FAM110B: variants seen among roughly 807,000 people sequenced by gnomAD.
The protein encoded by FAM110B is protein FAM110B.
In FAM110B, 6 loss-of-function variants were observed where a neutral mutation model predicts 20.4. The ratio of observed to expected loss-of-function variants is 0.29; its 90% confidence interval spans 0.16 to 0.58. The LOEUF (loss-of-function observed/expected upper bound fraction) is 0.58, where lower values mean the gene tolerates loss of function less well. Among genes scored for constraint, FAM110B ranks in the 20% least tolerant of loss-of-function variants. The pLI is 0.90. For missense variants in FAM110B, 434 were observed against 498.2 expected (o/e 0.87, Z 1.23); for synonymous variants, 226 against 214.1 (o/e 1.06, Z -0.49).
intron 1 of FAM110B, among the ~76,000 whole-genome samples, chr8:57,999,688 A>G (rs1179602959): frequency 2.0e-5 from 3 of 152,242 alleles, no homozygotes; most frequent in African/African-American, 7.2e-5. Context: ...AGGAAAGACA[A>G]GGTTCCTTCC....
chr8:58,117,644 T>C (rs1807248648), intron 3 of FAM110B, among the ~76,000 whole-genome samples: 2 of 152,198 alleles, frequency 1.3e-5, no homozygotes, highest in Admixed American at 6.5e-5. Context: ...TGAAGGGTAG[T>C]AATAGCCCCT....
chr8:58,094,008 C>T (rs1032988355), intron 3 of FAM110B, among the ~76,000 whole-genome samples: 31 of 152,038 alleles, frequency 2.0e-4, no homozygotes, highest in African/African-American at 2.9e-4. Flanking sequence ...CTCTTTATAG[C>T]GATTGTGAAT....
At chr8:58,028,371 G>T (rs1435418689) in intron 1 of FAM110B, among the ~76,000 whole-genome samples, 1 of 152,210 alleles carries the variant, frequency 6.6e-6, no homozygotes, top group Non-Finnish European at 1.5e-5. Context: ...CTCCCAAAGT[G>T]CTTGGATTAC....
chr8:58,008,284 C>T (rs553161160), intron 1 of FAM110B, among the ~76,000 whole-genome samples: 1 of 152,128 alleles, frequency 6.6e-6, no homozygotes, highest in South Asian at 2.1e-4. Context: ...AGGCGCCTCC[C>T]ACCACACCCG....
At chr8:58,102,440 G>A (rs1022448429) in intron 3 of FAM110B, among the ~76,000 whole-genome samples, 9 of 152,104 alleles carry the variant, frequency 5.9e-5, no homozygotes, top group South Asian at 2.1e-4. Context: ...CCTTATGTCC[G>A]ACTTTTGGTT....
At chr8:58,008,775 G>T (rs566640620) in intron 1 of FAM110B, among the ~76,000 whole-genome samples, 2 of 152,326 alleles carry the variant, frequency 1.3e-5, no homozygotes, top group Admixed American at 1.3e-4. Context: ...TGAGCTCCAT[G>T]AGTGGGAGAG....
chr8:58,092,121 C>G (rs1419814643), intron 3 of FAM110B, among the ~76,000 whole-genome samples: 1 of 152,086 alleles, frequency 6.6e-6, no homozygotes, highest in African/African-American at 2.4e-5. Flanking sequence ...TCATATTTTA[C>G]TTTCAGGCTT....
intron 3 of FAM110B, among the ~76,000 whole-genome samples, chr8:58,084,850 T>C (rs1806293944): frequency 6.6e-6 from 1 of 152,192 alleles, no homozygotes; most frequent in South Asian, 2.1e-4. Context: ...AGGGATTTTA[T>C]GGATCATTAC....
At chr8:58,057,457 C>T (rs1378495629) in intron 2 of FAM110B, among the ~76,000 whole-genome samples, 1 of 152,168 alleles carries the variant, frequency 6.6e-6, no homozygotes, top group Non-Finnish European at 1.5e-5. Flanking sequence ...AATTTATTTT[C>T]CTAAAGAATA....
chr8:58,094,393 A>G lies in FAM110B; in HGVS notation c.-325+18770A>G, dbSNP rs1806567470. Reference sequence around the variant, plus strand: ...TGATATTGATTGTGGGTTTGTCATAAATAGCTCTTATTATTTTGAGATACG... The same window carrying G: ...TGATATTGATTGTGGGTTTGTCATAGATAGCTCTTATTATTTTGAGATACG... On this transcript the variant is annotated intron_variant, in intron 3 of 3. Coordinates refer to ENST00000519262, the MANE Select transcript of FAM110B (RefSeq NM_001377989.1). 4.6e-5 allele frequency among the ~76,000 whole-genome samples: 7 copies of G among 152,252 alleles called. No individual in the cohort carries two copies. The South Asian group carries it at 1.5e-3, about 32-fold the overall frequency.
intron 2 of FAM110B, chr8:58,043,163 C>A (rs1385470313): frequency 6.6e-6 from 1 of 152,208 alleles, no homozygotes; most frequent in East Asian, 1.9e-4. Flanking sequence ...ATTAGGTAAA[C>A]TGGAGTCGTT....
intron 3 of FAM110B, among the ~76,000 whole-genome samples, chr8:58,141,773 G>C (rs1803749012): frequency 6.6e-6 from 1 of 152,216 alleles, no homozygotes; most frequent in Non-Finnish European, 1.5e-5. Flanking sequence ...TGGATTTGCT[G>C]TTGCGTCAAC....
At chr8:58,120,802 G>C (rs1259825568) in intron 3 of FAM110B, among the ~76,000 whole-genome samples, 1 of 152,186 alleles carries the variant, frequency 6.6e-6, no homozygotes, top group Non-Finnish European at 1.5e-5. Flanking sequence ...AACTAGGCTA[G>C]ATGGAAGACT....
intron 3 of FAM110B, among the ~76,000 whole-genome samples, chr8:58,118,018 A>G (rs74610494): frequency 0.057 from 8,632 of 152,290 alleles, 834 homozygotes; most frequent in African/African-American, 0.19. Flanking sequence ...TATCGGAAAG[A>G]TTCTAGAGTA....
intron 3 of FAM110B, among the ~76,000 whole-genome samples, chr8:58,137,503 T>C (rs1477219551): frequency 6.6e-6 from 1 of 151,926 alleles, no homozygotes; most frequent in Admixed American, 6.6e-5. Flanking sequence ...GAGGTTGCAG[T>C]GAGCTAAGAT....
intron 3 of FAM110B, among the ~76,000 whole-genome samples, chr8:58,135,475 T>C (rs1803588504): frequency 6.6e-6 from 1 of 152,206 alleles, no homozygotes; most frequent in Admixed American, 6.5e-5. Flanking sequence ...CCTTCAAATT[T>C]AAATGTTTCA....
At chr8:58,005,469 A>G (rs961862480) in intron 1 of FAM110B, among the ~76,000 whole-genome samples, 2 of 152,380 alleles carry the variant, frequency 1.3e-5, no homozygotes, top group Admixed American at 1.3e-4. Context: ...GCACATACTT[A>G]TGGCACTGAT....
At chr8:58,024,328 A>G (rs552069971) in intron 1 of FAM110B, among the ~76,000 whole-genome samples, 1 of 152,244 alleles carries the variant, frequency 6.6e-6, no homozygotes, top group African/African-American at 2.4e-5. Flanking sequence ...TGGTCTTACT[A>G]GTTTGAACCT....
At chr8:58,085,220 G>T (rs905820176) in intron 3 of FAM110B, among the ~76,000 whole-genome samples, 1 of 152,136 alleles carries the variant, frequency 6.6e-6, no homozygotes, top group Non-Finnish European at 1.5e-5. Context: ...TTGTAAAGCT[G>T]ATGCACATGT....
Sources: gnomAD v4.1 joint callset for allele counts (sites outside exome capture counted in the v4.1 genomes callset) on GRCh38, gnomAD v4.1.1 for gene constraint, MANE v1.5 for transcripts, NCBI Gene and HGNC (gene_info 2026-07-23, HGNC 2026-07-21) for gene names.